The following CCDC3 variants were observed in gnomAD, a reference collection of about 807,000 sequenced individuals.
The protein encoded by CCDC3 is coiled-coil domain containing 3.
CCDC3 carries 24 observed loss-of-function variants against 21.4 expected under a neutral mutation model. The ratio of observed to expected loss-of-function variants is 1.12; its 90% CI spans 0.81 to 1.58. The LOEUF (loss-of-function observed/expected upper bound fraction) is 1.58. Among genes scored for constraint, CCDC3 ranks in the 40% most tolerant of loss-of-function variants. The probability of loss-of-function intolerance (pLI) is 0.00; values close to 1 mark genes in which losing one functional copy is unlikely to be tolerated. For missense variants in CCDC3, 425 were observed against 360.9 expected (o/e 1.18, Z -1.44); for synonymous variants, 186 against 166.0 (o/e 1.12, Z -0.93).
chr10:13,058,509 C>A (rs1836712142), intron 4 of CCDC3: 5 of 744,824 alleles, frequency 6.7e-6, no homozygotes, highest in African/African-American at 1.7e-5. Context: ...TATCTCTGTT[C>A]GTTACACAAA....
intron 2 of CCDC3, among the ~76,000 whole-genome samples, chr10:12,983,925 C>T (rs1254318966): frequency 3.3e-5 from 5 of 152,074 alleles, no homozygotes; most frequent in African/African-American, 9.7e-5. Context: ...ACTAAAAATA[C>T]AAAAGTTAGC....
intron 2 of CCDC3, among the ~76,000 whole-genome samples, chr10:12,962,314 T>C (rs1159852681): frequency 2.0e-5 from 3 of 152,182 alleles, no homozygotes; most frequent in Non-Finnish European, 4.4e-5. Flanking sequence ...CATAATAAAA[T>C]GGGCTTTTGG....
intron 2 of CCDC3, among the ~76,000 whole-genome samples, chr10:12,969,326 A>G (rs1835306315): frequency 6.6e-6 from 1 of 152,156 alleles, no homozygotes; most frequent in Admixed American, 6.5e-5. Flanking sequence ...GGATGTGGAG[A>G]AAAGAGAACC....
At chr10:12,996,651 G>C (rs1227843479) in intron 2 of CCDC3, among the ~76,000 whole-genome samples, 1 of 152,106 alleles carries the variant, frequency 6.6e-6, no homozygotes, top group African/African-American at 2.4e-5. Flanking sequence ...TCCCTTAGTT[G>C]GACGTACCAG....
chr10:12,959,394 C>T (rs1835145506), intron 2 of CCDC3, among the ~76,000 whole-genome samples: 1 of 152,128 alleles, frequency 6.6e-6, no homozygotes, highest in African/African-American at 2.4e-5. Flanking sequence ...TCTCGAACTC[C>T]TGGCCTCAGG....
At chr10:13,078,799 G>A (rs557168673) in intron 3 of CCDC3, among the ~76,000 whole-genome samples, 72 of 141,054 alleles carry the variant, frequency 5.1e-4, no homozygotes, top group Admixed American at 3.0e-3. Context: ...TCATAGGTGG[G>A]AACTGAACAA....
At chr10:13,067,917 G>A (rs991479948) in intron 4 of CCDC3, among the ~76,000 whole-genome samples, 4 of 152,032 alleles carry the variant, frequency 2.6e-5, no homozygotes, top group African/African-American at 9.7e-5. Context: ...AGGTCTTTAC[G>A]TTTTTTGTTT....
chr10:12,957,647 G>A (rs771179451), intron 2 of CCDC3, among the ~76,000 whole-genome samples: 3 of 152,086 alleles, frequency 2.0e-5, no homozygotes, highest in Non-Finnish European at 4.4e-5. Context: ...GTTCTCTCGA[G>A]ATCTGATTGT....
chr10:13,027,742 A>AG (rs34430093), intron 5 of CCDC3, among the ~76,000 whole-genome samples: 1 of 151,770 alleles, frequency 6.6e-6, no homozygotes, highest in East Asian at 1.9e-4. Context: ...ACAAAAAAAA[A>AG]CTACTCAGTA....
intron 2 of CCDC3, among the ~76,000 whole-genome samples, chr10:12,919,143 TTA>T (rs1834406845): frequency 6.6e-6 from 1 of 152,224 alleles, no homozygotes; most frequent in South Asian, 2.1e-4. Flanking sequence ...GCCCACATAA[TTA>T]TTTTTTAAGG....
chr10:12,978,105 G>A (rs999578295), intron 2 of CCDC3, among the ~76,000 whole-genome samples: 3 of 150,832 alleles, frequency 2.0e-5, no homozygotes, highest in Non-Finnish European at 2.9e-5. Context: ...TGCAACCTCC[G>A]CCTCCCAGGT....
At chr10:13,037,178 A>C (rs545111596) in intron 5 of CCDC3, among the ~76,000 whole-genome samples, 2 of 152,342 alleles carry the variant, frequency 1.3e-5, no homozygotes, top group East Asian at 3.9e-4. Context: ...AAAAATAAAA[A>C]TGTCTAAAAT....
At chr10:13,033,118 G>C in intron 5 of CCDC3, among the ~76,000 whole-genome samples, 1 of 152,200 alleles carries the variant, frequency 6.6e-6, no homozygotes, top group South Asian at 2.1e-4. Flanking sequence ...AACCAAAATA[G>C]CATGGTACTG....
At chr10:12,950,792 G>A (rs2131247920) in intron 2 of CCDC3, among the ~76,000 whole-genome samples, 1 of 152,280 alleles carries the variant, frequency 6.6e-6, no homozygotes, top group Middle Eastern at 3.4e-3. Flanking sequence ...AAGGCGTCAT[G>A]ACACAATCAC....
chr10:13,074,151 A>G (rs78528881), intron 3 of CCDC3: 1 of 34,614 alleles, frequency 2.9e-5, no homozygotes, highest in East Asian at 6.1e-4. Context: ...ATATATATAT[A>G]TATTTTTTTT....
intron 4 of CCDC3, among the ~76,000 whole-genome samples, chr10:13,070,548 T>C (rs1045474609): frequency 4.6e-5 from 7 of 152,132 alleles, no homozygotes; most frequent in African/African-American, 1.2e-4. Context: ...TAACCTGCGG[T>C]AGGTAAAGAA....
chr10:13,082,735 C>T (rs191797503), intron 3 of CCDC3, among the ~76,000 whole-genome samples: 202 of 152,344 alleles, frequency 1.3e-3, no homozygotes, highest in African/African-American at 4.6e-3. Context: ...CCTATCCGGG[C>T]GTGACAGAGG....
intron 2 of CCDC3, among the ~76,000 whole-genome samples, chr10:12,993,252 A>G (rs1323366567): frequency 6.6e-6 from 1 of 152,248 alleles, no homozygotes; most frequent in African/African-American, 2.4e-5. Context: ...TCCTGAGACA[A>G]TACCCTGAGA....
At chr10:12,924,578 A>C (rs1051556404) in intron 2 of CCDC3, 3 of 152,186 alleles carry the variant, frequency 2.0e-5, no homozygotes, top group African/African-American at 7.2e-5. Flanking sequence ...GTTAACATCC[A>C]TTTTCCAGTT....
Sources: gnomAD v4.1 joint callset for allele counts (sites outside exome capture counted in the v4.1 genomes callset) on GRCh38, gnomAD v4.1.1 for gene constraint, MANE v1.5 for transcripts, NCBI Gene and HGNC (gene_info 2026-07-23, HGNC 2026-07-21) for gene names.